Variants in EXT2 observed in about 807,000 individuals in gnomAD.
EXT2 encodes exostosin glycosyltransferase 2.
Under a neutral mutation model 81.6 loss-of-function variants are expected in EXT2, and 53 were observed. The ratio of observed to expected loss-of-function variants is 0.65; its 90% CI spans 0.52 to 0.82. The LOEUF (loss-of-function observed/expected upper bound fraction) is 0.82. Among genes scored for constraint, EXT2 ranks in the 40% least tolerant of loss-of-function variants. The probability of loss-of-function intolerance (pLI) is 0.00; values close to 1 mark genes in which losing one functional copy is unlikely to be tolerated. For missense variants in EXT2, 774 were observed against 910.2 expected, an observed-to-expected ratio of 0.85 and a Z score of 1.93; for synonymous variants, 320 against 340.0, an observed-to-expected ratio of 0.94 and a Z score of 0.65.
rs1064793854 is a variant in EXT2 at position 44,114,183 on chromosome 11, A to T, written c.627-2A>T. The T allele has an allele frequency of 6.2e-7, 1 of 1,613,726 alleles. No individual in the cohort carries two copies. Reference sequence around the variant, plus strand: ...TCGTTTAACAAAATACTTTGCTTTCAGGGCCCTGTTGGCTGGTGGCGGCTT... The same window carrying T: ...TCGTTTAACAAAATACTTTGCTTTCTGGGCCCTGTTGGCTGGTGGCGGCTT... On this transcript the variant is annotated splice_acceptor_variant, in intron 3 of 13. Transcript: ENST00000533608. LOFTEE classifies it high-confidence loss of function.
intron 9 of EXT2, among the ~76,000 whole-genome samples, chr11:44,205,551 C>T (rs568034500): frequency 6.6e-6 from 1 of 152,176 alleles, no homozygotes; most frequent in Non-Finnish European, 1.5e-5. Flanking sequence ...ATTTTAAGAC[C>T]GTGAATACAG....
At chr11:44,193,400 G>A (rs534994507) in intron 8 of EXT2, among the ~76,000 whole-genome samples, 7 of 152,314 alleles carry the variant, frequency 4.6e-5, no homozygotes, top group African/African-American at 1.7e-4. Context: ...CTACATGACA[G>A]TACCTTACAT....
In EXT2 at chr11:44,197,917, G is replaced by A. The variant is rs1162561512; in HGVS notation, c.1394G>A (p.Arg465Gln). The change falls in exon 9 of 14, where the codon CGA (arginine) becomes CAA (glutamine). Residue 465 changes from arginine (R) to glutamine (Q), a missense_variant. Coordinates refer to ENST00000533608, the MANE Select transcript of EXT2 (RefSeq NM_207122.2). Reference sequence around the variant, plus strand: ...ACCGCCATAGTCCTCACCTACGACCGAGTAGAGAGCCTCTTCCGGGTCATC... The same window carrying A: ...ACCGCCATAGTCCTCACCTACGACCAAGTAGAGAGCCTCTTCCGGGTCATC... ...GFTAIVLTYD[R>Q]VESLFRVITE... The A allele has an allele frequency of 6.2e-7, 1 of 1,613,986 alleles. No homozygotes were observed. Among genetic ancestry groups the A allele is most frequent in the Non-Finnish European group, 8.5e-7 (1 of 1,179,958 alleles).
intron 4 of EXT2, among the ~76,000 whole-genome samples, chr11:44,119,167 T>C (rs12576864): frequency 0.039 from 1,698 of 44,076 alleles, 144 homozygotes; most frequent in East Asian, 0.12. Flanking sequence ...TATATATATA[T>C]ATACACATAC....
chr11:44,223,741 C>G (rs1210139482), intron 10 of EXT2, among the ~76,000 whole-genome samples: 2 of 151,300 alleles, frequency 1.3e-5, no homozygotes, highest in Admixed American at 6.6e-5. Context: ...AGCTCCGCCT[C>G]CTGGGTTCAC....
At chr11:44,171,828 T>A in intron 8 of EXT2, 86 bp downstream of exon 8, 1 of 1,576,828 alleles carries the variant, frequency 6.3e-7, no homozygotes. Context: ...ATTGTAAAGG[T>A]TATTTAAATT....
At chr11:44,135,277 A>G (rs1187262957) in intron 7 of EXT2, among the ~76,000 whole-genome samples, 1 of 152,232 alleles carries the variant, frequency 6.6e-6, no homozygotes, top group South Asian at 2.1e-4. Context: ...TTTGGTTTCC[A>G]TAGCCGTAGT....
chr11:44,242,397 T>C (rs1399635252), intron 13 of EXT2, among the ~76,000 whole-genome samples: 1 of 152,138 alleles, frequency 6.6e-6, no homozygotes, highest in East Asian at 1.9e-4. Flanking sequence ...TCCCTTCAAT[T>C]TGGAACTAGG....
intron 10 of EXT2, among the ~76,000 whole-genome samples, chr11:44,211,691 GGTGATCTATTCACA>G (rs1228709168): frequency 6.6e-6 from 1 of 152,102 alleles, no homozygotes; most frequent in Non-Finnish European, 1.5e-5. Flanking sequence ...GAATAGTTCT[GGTGATCTATTCACA>G]GTAAGGTGGC....
At chr11:44,158,247 C>A (rs916037333) in intron 7 of EXT2, among the ~76,000 whole-genome samples, 3 of 152,160 alleles carry the variant, frequency 2.0e-5, no homozygotes, top group Non-Finnish European at 2.9e-5. Context: ...ACATGCACCC[C>A]GAGTCTGCTG....
intron 8 of EXT2, among the ~76,000 whole-genome samples, chr11:44,194,685 T>A (rs2135177985): frequency 6.6e-6 from 1 of 152,346 alleles, no homozygotes; most frequent in African/African-American, 2.4e-5. Flanking sequence ...GTTGTGAATA[T>A]CTAATGAGGT....
rs576929805 is a variant in EXT2 at position 44,122,604 on chromosome 11, C to T, written c.744-2185C>T. ...GGCTATAAATATTGAACATATTGCT[C>T]AATAAATTGTAATTTAGGAGGAAAT... On this transcript the variant is annotated intron_variant, in intron 4 of 13. Coordinates refer to ENST00000533608, the MANE Select transcript of EXT2 (RefSeq NM_207122.2). Among the ~76,000 whole-genome samples the T allele has an allele frequency of 3.3e-5, 5 of 152,280 alleles. No individual in the cohort carries two copies. The South Asian group carries it at 1.0e-3, about 32-fold the overall frequency.
intron 11 of EXT2, 72 bp from the exon 12 acceptor site, chr11:44,234,043 T>G: frequency 6.2e-7 from 1 of 1,608,646 alleles, no homozygotes; most frequent in Non-Finnish European, 8.5e-7. Flanking sequence ...GCCTTGGCTA[T>G]GCTGCCCCTT....
chr11:44,097,770 AAATAAAT>A (rs1565192368), intron 1 of EXT2, among the ~76,000 whole-genome samples: 2 of 13,270 alleles, frequency 1.5e-4, no homozygotes, highest in Admixed American at 2.5e-3. Flanking sequence ...AAAAATAAAT[AAATAAAT>A]AAATAAATAA....
At chr11:44,204,419 C>G (rs1015461552) in intron 9 of EXT2, among the ~76,000 whole-genome samples, 2 of 152,116 alleles carry the variant, frequency 1.3e-5, no homozygotes, top group African/African-American at 4.8e-5. Flanking sequence ...AACAAAATCT[C>G]TTTGGGATTT....
intron 1 of EXT2, among the ~76,000 whole-genome samples, chr11:44,105,385 A>G (rs1451008059): frequency 6.6e-6 from 1 of 152,092 alleles, no homozygotes; most frequent in Non-Finnish European, 1.5e-5. Context: ...TCCGCCTCCC[A>G]GGTTTAAGTG....
intron 8 of EXT2, among the ~76,000 whole-genome samples, chr11:44,184,927 A>G (rs1045111347): frequency 6.6e-6 from 1 of 152,240 alleles, no homozygotes; most frequent in Non-Finnish European, 1.5e-5. Flanking sequence ...ATTTTGGTAC[A>G]GTGCTTGATG....
chr11:44,159,657 T>A (rs1403717048), intron 7 of EXT2, among the ~76,000 whole-genome samples: 1 of 152,242 alleles, frequency 6.6e-6, no homozygotes, highest in Non-Finnish European at 1.5e-5. Flanking sequence ...TGATGCTTAC[T>A]CAGTCTCTTC....
rs1477695785 is a variant in EXT2, at chr11:44,249,528, T to C, written c.*5241T>C. Among the ~76,000 whole-genome samples the C allele has an allele frequency of 6.6e-6, 1 of 152,220 alleles. No homozygotes were observed. On this transcript the variant is annotated 3_prime_UTR_variant, in exon 14 of 14. Transcript: ENST00000533608. Reference sequence around the variant, plus strand: ...GTGGCTGACAGAGGAGGGATCCATATGTCTTAGACCAAAGCCACCAGTCAG... The same window carrying C: ...GTGGCTGACAGAGGAGGGATCCATACGTCTTAGACCAAAGCCACCAGTCAG...
Sources: gnomAD v4.1 joint callset for allele counts (sites outside exome capture counted in the v4.1 genomes callset) on GRCh38, gnomAD v4.1.1 for gene constraint, MANE v1.5 for transcripts, NCBI Gene and HGNC (gene_info 2026-07-23, HGNC 2026-07-21) for gene names.